The following LGSN variants were observed in gnomAD, a reference collection of about 807,000 sequenced individuals.
LGSN encodes the protein lengsin.
Under a neutral mutation model 19.5 loss-of-function variants are expected in LGSN, and 21 were observed. That is an observed-to-expected ratio of 1.07 (90% CI 0.76 to 1.55). The LOEUF (loss-of-function observed/expected upper bound fraction) is 1.55. Among genes scored for constraint, LGSN ranks in the 40% most tolerant of loss-of-function variants. The pLI is 0.00. For missense variants in LGSN, 673 were observed against 608.5 expected (o/e 1.11, Z -1.12); for synonymous variants, 257 against 215.6 (o/e 1.19, Z -1.68).
chr6:63,344,094 A>G, the LGSN span, among the ~76,000 whole-genome samples: 447 of 152,282 alleles, frequency 2.9e-3, 3 homozygotes, highest in African/African-American at 0.01. Context: ...AAATCAAAAC[A>G]TTGGTTTTGG....
At chr6:63,360,680 T>A in the LGSN span, among the ~76,000 whole-genome samples, 1 of 152,224 alleles carries the variant, frequency 6.6e-6, no homozygotes, top group South Asian at 2.1e-4. Flanking sequence ...CCGTCCAGCT[T>A]TGTTCTATTG....
At chr6:63,339,589 T>C in the LGSN span, among the ~76,000 whole-genome samples, 1 of 152,302 alleles carries the variant, frequency 6.6e-6, no homozygotes, top group East Asian at 1.9e-4. Context: ...GAGTTTCTTG[T>C]AGGTATCATA....
chr6:63,403,282 G>T, the LGSN span, among the ~76,000 whole-genome samples: 1 of 152,110 alleles, frequency 6.6e-6, no homozygotes, highest in East Asian at 1.9e-4. Context: ...GGAGGGTTGG[G>T]CTAAGGTCAG....
chr6:63,302,777 G>C (rs1768235271), intron 1 of LGSN, among the ~76,000 whole-genome samples: 1 of 152,162 alleles, frequency 6.6e-6, no homozygotes, highest in Non-Finnish European at 1.5e-5. Flanking sequence ...TGGACTCATG[G>C]AGAGTCTGGA....
At position 63,288,255 on chromosome 6, in the gene LGSN, AAATAAATAAATAAAT is replaced by A. The variant is rs1168877252; in HGVS notation, c.164-2517_164-2503del. Among the ~76,000 whole-genome samples, 56 of 136,296 alleles carry A rather than the reference AAATAAATAAATAAAT, an allele frequency of 4.1e-4. 2 individuals carry two copies. Among genetic ancestry groups the A allele is most frequent in the Non-Finnish European group, 6.9e-4 (41 of 59,200 alleles). 89.4% of individuals were successfully genotyped at this position (136,296 alleles called of 152,430 possible). A position where few individuals can be genotyped will look rare whatever the true frequency, so the allele number is the denominator to read the frequency against. On this transcript the variant is annotated intron_variant, in intron 2 of 3. Coordinates refer to ENST00000370657, the MANE Select transcript of LGSN (RefSeq NM_016571.3). ...AAAATAAATAAATAAATAAATAAAT[AAATAAATAAATAAAT>A]AATAATAATATTCATTCACTCATCA...
chr6:63,407,117 C>T, the LGSN span, among the ~76,000 whole-genome samples: 2 of 151,934 alleles, frequency 1.3e-5, no homozygotes, highest in Non-Finnish European at 2.9e-5. Context: ...GGAACTGGTA[C>T]CATTCCTTCT....
At chr6:63,552,647 C>T in the LGSN span, among the ~76,000 whole-genome samples, 2 of 152,146 alleles carry the variant, frequency 1.3e-5, no homozygotes, top group African/African-American at 4.8e-5. Flanking sequence ...AGGTTTTCTT[C>T]TAGGATTTTT....
chr6:63,573,437 CA>C, the LGSN span: 1 of 152,184 alleles, frequency 6.6e-6, no homozygotes, highest in African/African-American at 2.4e-5. Flanking sequence ...GAGCCTCAGA[CA>C]AAATGGCCTC....
At chr6:63,288,230 AAAAT>A (rs561099445) in intron 2 of LGSN, among the ~76,000 whole-genome samples, 4,743 of 138,480 alleles carry the variant, frequency 0.034, 130 homozygotes, top group African/African-American at 0.069. Context: ...CCATCTCAAA[AAAAT>A]AAATAAATAA....
the LGSN span, among the ~76,000 whole-genome samples, chr6:63,361,589 AC>A: frequency 1.3e-4 from 20 of 151,748 alleles, no homozygotes; most frequent in African/African-American, 4.4e-4. Context: ...GAATTCCCTG[AC>A]CCCTTGAGCT....
chr6:63,412,827 GGAAAGGAAGGAA>G, the LGSN span, among the ~76,000 whole-genome samples: 12 of 137,042 alleles, frequency 8.8e-5, no homozygotes, highest in Admixed American at 2.3e-4. Flanking sequence ...AGGAAGGAAA[GGAAAGGAAGGAA>G]GAAAGGAAGG....
the LGSN span, among the ~76,000 whole-genome samples, chr6:63,523,894 T>C: frequency 1.3e-5 from 2 of 152,186 alleles, no homozygotes; most frequent in African/African-American, 4.8e-5. Context: ...CCTAGCATAA[T>C]AATGTTTTAT....
At chr6:63,333,812 G>C in the LGSN span, among the ~76,000 whole-genome samples, 36 of 152,278 alleles carry the variant, frequency 2.4e-4, no homozygotes, top group South Asian at 5.0e-3. Flanking sequence ...TGGGTGCAAG[G>C]ATGGTTCAAC....
the LGSN span, among the ~76,000 whole-genome samples, chr6:63,544,363 G>A: frequency 1.3e-5 from 2 of 152,036 alleles, no homozygotes; most frequent in Non-Finnish European, 2.9e-5. Flanking sequence ...CTGTTTGCAA[G>A]GAAGTTGCAG....
At chr6:63,387,818 C>T in the LGSN span, among the ~76,000 whole-genome samples, 1 of 151,986 alleles carries the variant, frequency 6.6e-6, no homozygotes, top group South Asian at 2.1e-4. Context: ...TCCTGAGTAG[C>T]TAGATCTACA....
chr6:63,530,324 G>A, the LGSN span, among the ~76,000 whole-genome samples: 19 of 152,140 alleles, frequency 1.2e-4, no homozygotes, highest in Non-Finnish European at 2.5e-4. Context: ...GACAAAGCCA[G>A]CCTGAGAAAA....
At chr6:63,458,590 G>T in the LGSN span, among the ~76,000 whole-genome samples, 2 of 152,016 alleles carry the variant, frequency 1.3e-5, no homozygotes, top group East Asian at 1.9e-4. Context: ...CCCAGCTAAG[G>T]TTGGAGGACT....
At chr6:63,546,724 T>C in the LGSN span, among the ~76,000 whole-genome samples, 1 of 151,278 alleles carries the variant, frequency 6.6e-6, no homozygotes, top group Non-Finnish European at 1.5e-5. Flanking sequence ...AAAAATAGAG[T>C]ACAAGCTTTC....
At chr6:63,368,635 C>A in the LGSN span, among the ~76,000 whole-genome samples, 1 of 152,182 alleles carries the variant, frequency 6.6e-6, no homozygotes, top group Non-Finnish European at 1.5e-5. Context: ...TTCTTACTTC[C>A]CTCGTCTGCA....
Sources: gnomAD v4.1 joint callset for allele counts (sites outside exome capture counted in the v4.1 genomes callset) on GRCh38, gnomAD v4.1.1 for gene constraint, MANE v1.5 for transcripts, NCBI Gene and HGNC (gene_info 2026-07-23, HGNC 2026-07-21) for gene names.